ADAMTS12: variants seen among roughly 807,000 people sequenced by gnomAD.
ADAMTS12 encodes ADAM metallopeptidase with thrombospondin type 1 motif 12.
ADAMTS12 carries 118 observed loss-of-function variants against 167.8 expected under a neutral mutation model. That is an observed-to-expected ratio of 0.70 (90% confidence interval 0.61 to 0.82). The LOEUF (loss-of-function observed/expected upper bound fraction) is 0.82, where lower values mean the gene tolerates loss of function less well. Among genes scored for constraint, ADAMTS12 ranks in the 40% least tolerant of loss-of-function variants. ADAMTS12 has a pLI of 0.00. For missense variants in ADAMTS12, 1,916 were observed against 1,998.8 expected (o/e 0.96, Z 0.79); for synonymous variants, 704 against 716.9 (o/e 0.98, Z 0.29).
chr5:33,637,542 C>T (rs1286390888), intron 12 of ADAMTS12, 35 bp downstream of exon 12: 2 of 1,588,842 alleles, frequency 1.3e-6, no homozygotes, highest in Admixed American at 1.7e-5. Flanking sequence ...AATGGCTGTT[C>T]CCTAGATCTG....
intron 23 of ADAMTS12, among the ~76,000 whole-genome samples, chr5:33,531,255 G>A (rs1037803955): frequency 1.3e-5 from 2 of 152,222 alleles, no homozygotes; most frequent in Admixed American, 6.5e-5. Flanking sequence ...CCAGAACTGT[G>A]AGAATAGATT....
chr5:33,541,797 G>A (rs1744708300), intron 22 of ADAMTS12, among the ~76,000 whole-genome samples: 1 of 152,166 alleles, frequency 6.6e-6, no homozygotes, highest in Non-Finnish European at 1.5e-5. Flanking sequence ...GAGAGATTTT[G>A]TCACCACCAG....
chr5:33,610,642 G>A (rs6451000), intron 16 of ADAMTS12, among the ~76,000 whole-genome samples: 2 of 152,064 alleles, frequency 1.3e-5, no homozygotes, highest in Non-Finnish European at 2.9e-5. Context: ...GCCCAAATAC[G>A]GAGGTAATGA....
At chr5:33,756,415 A>G (rs9292512) in intron 2 of ADAMTS12, among the ~76,000 whole-genome samples, 37,346 of 152,226 alleles carry the variant, frequency 0.25, 6,556 homozygotes, top group East Asian at 0.55. Context: ...AGAACACTTG[A>G]CACAGTCTTA....
At chr5:33,553,639 C>T (rs1745357586) in intron 20 of ADAMTS12, among the ~76,000 whole-genome samples, 1 of 152,146 alleles carries the variant, frequency 6.6e-6, no homozygotes, top group Non-Finnish European at 1.5e-5. Flanking sequence ...CACATGTTCT[C>T]ACTTATAAGT....
At chr5:33,555,617 T>C (rs1745455774) in intron 20 of ADAMTS12, among the ~76,000 whole-genome samples, 2 of 152,192 alleles carry the variant, frequency 1.3e-5, no homozygotes, top group Admixed American at 1.3e-4. Flanking sequence ...ATTAATTGTG[T>C]AGTGTTTCAT....
intron 17 of ADAMTS12, among the ~76,000 whole-genome samples, chr5:33,594,303 C>A (rs1198779988): frequency 6.6e-6 from 1 of 152,224 alleles, no homozygotes. Context: ...GCCTCCCTAA[C>A]CACATGTAAC....
chr5:33,706,054 T>C (rs1743191266), intron 3 of ADAMTS12, among the ~76,000 whole-genome samples: 1 of 152,162 alleles, frequency 6.6e-6, no homozygotes. Flanking sequence ...CAAAGCAATC[T>C]ACAGATTCAA....
intron 15 of ADAMTS12, among the ~76,000 whole-genome samples, chr5:33,615,219 A>T (rs1561169576): frequency 1.3e-5 from 2 of 152,154 alleles, no homozygotes; most frequent in Admixed American, 1.3e-4. Flanking sequence ...CTTGACCTTC[A>T]GCTTCTGTGA....
intron 7 of ADAMTS12, among the ~76,000 whole-genome samples, chr5:33,656,627 C>A (rs1055674772): frequency 6.6e-6 from 1 of 152,150 alleles, no homozygotes; most frequent in Non-Finnish European, 1.5e-5. Context: ...TTTGAGTATA[C>A]CATTGTTGGG....
chr5:33,849,481 C>T (rs62653378), intron 2 of ADAMTS12, among the ~76,000 whole-genome samples: 1,635 of 50,726 alleles, frequency 0.032, 61 homozygotes, highest in East Asian at 0.12. Context: ...ATGTATTGCA[C>T]AGCAATATAT....
intron 2 of ADAMTS12, among the ~76,000 whole-genome samples, chr5:33,785,199 G>A (rs981732121): frequency 6.6e-6 from 1 of 151,796 alleles, no homozygotes; most frequent in Non-Finnish European, 1.5e-5. Context: ...ATAAATATAA[G>A]GGCTGAAACT....
intron 18 of ADAMTS12, among the ~76,000 whole-genome samples, chr5:33,585,844 T>A (rs1747319364): frequency 6.6e-6 from 1 of 152,078 alleles, no homozygotes; most frequent in Non-Finnish European, 1.5e-5. Context: ...CCCTTTCTGA[T>A]CCCTGCTGGG....
At chr5:33,694,694 T>C (rs537310909) in intron 3 of ADAMTS12, among the ~76,000 whole-genome samples, 1 of 152,284 alleles carries the variant, frequency 6.6e-6, no homozygotes, top group South Asian at 2.1e-4. Flanking sequence ...GCCAGCTACA[T>C]GCAGTGATGG....
At position 33,534,821 on chromosome 5, in the gene ADAMTS12, C is replaced by T. The variant is rs1341775513; in HGVS notation, c.4606+12G>A. Reference sequence around the variant, plus strand: ...AAGATCTCTTTCTCCCCGAGCAAACCCATTCACCCACCGGCACTTTTCTTG... The same window carrying T: ...AAGATCTCTTTCTCCCCGAGCAAACTCATTCACCCACCGGCACTTTTCTTG... On this transcript the variant is annotated intron_variant, in intron 23 of 23. Coordinates refer to ENST00000504830, the MANE Select transcript of ADAMTS12 (RefSeq NM_030955.4). 6.2e-7 allele frequency: 1 copy of T among 1,608,128 alleles called. No individual in the cohort carries two copies. Among genetic ancestry groups the T allele is most frequent in the Non-Finnish European group, 8.5e-7 (1 of 1,177,918 alleles).
intron 23 of ADAMTS12, among the ~76,000 whole-genome samples, chr5:33,530,472 G>A (rs1744044661): frequency 6.6e-6 from 1 of 152,170 alleles, no homozygotes; most frequent in East Asian, 1.9e-4. Context: ...TCACAAAGCC[G>A]CCCCAGTTTC....
intron 2 of ADAMTS12, among the ~76,000 whole-genome samples, chr5:33,800,218 G>A (rs899244381): frequency 6.6e-6 from 1 of 152,228 alleles, no homozygotes; most frequent in East Asian, 1.9e-4. Flanking sequence ...TTGTGGAGAT[G>A]TTAAGTTCAA....
intron 16 of ADAMTS12, 84 bp downstream of exon 16, chr5:33,614,154 C>T: frequency 2.0e-6 from 3 of 1,522,132 alleles, no homozygotes; most frequent in Non-Finnish European, 2.7e-6. Flanking sequence ...GGGCAGAGAG[C>T]ACAAAGCAAA....
chr5:33,633,170 T>G, intron 12 of ADAMTS12, among the ~76,000 whole-genome samples: 1 of 92,722 alleles, frequency 1.1e-5, no homozygotes. Flanking sequence ...CTTGCATTTT[T>G]ATAAGACACA....
Sources: allele counts gnomAD v4.1 joint callset (sites outside exome capture counted in the v4.1 genomes callset), GRCh38; gene constraint gnomAD v4.1.1; transcripts MANE v1.5; gene names NCBI Gene and HGNC (gene_info 2026-07-23, HGNC 2026-07-21).